Variants in SLC2A9 observed in about 807,000 individuals in gnomAD.
SLC2A9 encodes the protein solute carrier family 2 member 9, also known as solute carrier family 2, facilitated glucose transporter member 9.
SLC2A9 carries 39 observed loss-of-function variants against 50.6 expected under a neutral mutation model. The ratio of observed to expected loss-of-function variants is 0.77; its 90% confidence interval spans 0.60 to 1.01. The LOEUF is 1.01. Ranked by LOEUF, SLC2A9 falls within the 50% of genes least tolerant of loss-of-function variation. The pLI, the probability that SLC2A9 is intolerant of heterozygous loss-of-function variation, is 0.00. For synonymous variants in SLC2A9, 324 were observed against 276.9 expected (o/e 1.17, Z -1.69); for missense variants, 686 against 677.6 (o/e 1.01, Z -0.14).
chr4:9,781,584 G>A, intron 3 of SLC2A9: 1 of 158,092 alleles, frequency 6.3e-6, no homozygotes, highest in South Asian at 2.0e-4. Flanking sequence ...CGGAGGCTCG[G>A]GGGGCGGGAC....
At chr4:10,002,140 C>T (rs1339407354) in intron 2 of SLC2A9, among the ~76,000 whole-genome samples, 2 of 152,306 alleles carry the variant, frequency 1.3e-5, no homozygotes, top group African/African-American at 2.4e-5. Flanking sequence ...GTGGCTGCAG[C>T]GGAGCCCATA....
chr4:9,829,543 T>C (rs1725711149), intron 11 of SLC2A9, among the ~76,000 whole-genome samples: 1 of 150,800 alleles, frequency 6.6e-6, no homozygotes, highest in Non-Finnish European at 1.5e-5. Flanking sequence ...AAAGAGCTTC[T>C]CCACTGCAAA....
At chr4:9,959,924 G>A (rs1211909498) in intron 5 of SLC2A9, among the ~76,000 whole-genome samples, 1 of 152,188 alleles carries the variant, frequency 6.6e-6, no homozygotes, top group Non-Finnish European at 1.5e-5. Flanking sequence ...TTGACTGCTA[G>A]ATGAATTTGG....
At chr4:9,823,556 A>G (rs1377975837), downstream of SLC2A9, among the ~76,000 whole-genome samples, 1 of 152,246 alleles carries the variant, frequency 6.6e-6, no homozygotes, top group African/African-American at 2.4e-5. Context: ...AGCAAACATA[A>G]GAAAAAAGTT....
At chr4:9,773,304 A>T (rs1717092026) in intron 1 of SLC2A9, among the ~76,000 whole-genome samples, 1 of 152,030 alleles carries the variant, frequency 6.6e-6, no homozygotes, top group African/African-American at 2.4e-5. Context: ...AGCTGAGCAC[A>T]TTGGCAGGGC....
chr4:10,025,950 T>C, upstream of SLC2A9: 1 of 1,613,972 alleles, frequency 6.2e-7, no homozygotes. Flanking sequence ...TCCTCGGTCC[T>C]TTTTACTGAG....
intron 2 of SLC2A9, among the ~76,000 whole-genome samples, chr4:10,018,558 A>AGATGATAGAT (rs34401893): frequency 1.4e-5 from 2 of 146,694 alleles, no homozygotes; most frequent in Admixed American, 1.4e-4. Flanking sequence ...ATAGATAGAT[A>AGATGATAGAT]GATAGATAGA....
intron 3 of SLC2A9, among the ~76,000 whole-genome samples, chr4:9,781,419 C>A (rs1718345403): frequency 6.6e-6 from 1 of 152,248 alleles, no homozygotes; most frequent in African/African-American, 2.4e-5. Flanking sequence ...ATGCGCCAAG[C>A]ACCCTTCGGT....
intron 1 of SLC2A9, chr4:10,034,999 G>T (rs1764052146): frequency 6.6e-6 from 1 of 152,222 alleles, no homozygotes; most frequent in African/African-American, 2.4e-5. Context: ...CTCAGATGGG[G>T]AGTCCACCAT....
chr4:9,987,815 G>A (rs982629868), intron 3 of SLC2A9, among the ~76,000 whole-genome samples: 6 of 152,016 alleles, frequency 3.9e-5, no homozygotes, highest in East Asian at 1.9e-4. Context: ...GTGACAGAGC[G>A]AGACTCCGTC....
At chr4:9,902,693 G>T (rs559510461) in intron 8 of SLC2A9, among the ~76,000 whole-genome samples, 4 of 152,278 alleles carry the variant, frequency 2.6e-5, no homozygotes, top group African/African-American at 9.6e-5. Flanking sequence ...TTTAGAGGGC[G>T]TTCTGCCTGT....
chr4:9,823,600 T>C (rs551627824), downstream of SLC2A9, among the ~76,000 whole-genome samples: 11 of 152,314 alleles, frequency 7.2e-5, no homozygotes, highest in African/African-American at 2.4e-4. Flanking sequence ...ATTCTACTCA[T>C]TTGTAAAGTT....
chr4:9,853,457 GC>G (rs1560194783), intron 10 of SLC2A9, among the ~76,000 whole-genome samples: 1 of 152,140 alleles, frequency 6.6e-6, no homozygotes, highest in African/African-American at 2.4e-5. Context: ...GCCTAACTAT[GC>G]TAGATATATA....
At chr4:9,784,448 C>T (rs988798507) in intron 3 of SLC2A9, among the ~76,000 whole-genome samples, 2 of 152,102 alleles carry the variant, frequency 1.3e-5, no homozygotes, top group Admixed American at 6.5e-5. Flanking sequence ...TTTGAGAAAT[C>T]GTGTTTTCTG....
downstream of SLC2A9, among the ~76,000 whole-genome samples, chr4:9,824,929 A>T (rs1724902193): frequency 6.6e-6 from 1 of 152,192 alleles, no homozygotes; most frequent in East Asian, 1.9e-4. Flanking sequence ...TAGTGCATTG[A>T]GTTGGCAATT....
At chr4:9,986,285 TGA>T (rs1756703209) in intron 3 of SLC2A9, among the ~76,000 whole-genome samples, 1 of 152,146 alleles carries the variant, frequency 6.6e-6, no homozygotes, top group Non-Finnish European at 1.5e-5. Flanking sequence ...CGAAGACCTT[TGA>T]GAGTGGGCAC....
intron 4 of SLC2A9, among the ~76,000 whole-genome samples, chr4:9,983,301 A>T (rs1167855730): frequency 6.6e-6 from 1 of 152,214 alleles, no homozygotes; most frequent in Non-Finnish European, 1.5e-5. Context: ...CTGGATCGAC[A>T]TCCTTGGGGA....
chr4:9,843,434 G>GAA (rs752292737), intron 10 of SLC2A9, among the ~76,000 whole-genome samples: 1 of 152,086 alleles, frequency 6.6e-6, no homozygotes, highest in African/African-American at 2.4e-5. Context: ...CTCTAATTAG[G>GAA]AGCATGGAGT....
chr4:10,003,615 C>T (rs1760251199), intron 2 of SLC2A9, among the ~76,000 whole-genome samples: 1 of 152,182 alleles, frequency 6.6e-6, no homozygotes. Context: ...GGTCTGAATT[C>T]AGCAATAGCC....
Sources: allele counts gnomAD v4.1 joint callset (sites outside exome capture counted in the v4.1 genomes callset), GRCh38; gene constraint gnomAD v4.1.1; transcripts MANE v1.5; gene names NCBI Gene and HGNC (gene_info 2026-07-23, HGNC 2026-07-21).